Variants in CHLSN observed in about 807,000 individuals in gnomAD.
CHLSN encodes cholesin.
the CHLSN span, chr7:987,581 G>A: frequency 1.9e-5 from 27 of 1,450,754 alleles, no homozygotes; most frequent in East Asian, 3.8e-4. Flanking sequence ...GGTAGGCCTC[G>A]GCGGGGGTCC....
the CHLSN span, among the ~76,000 whole-genome samples, chr7:1,117,453 AG>A: frequency 4.5e-4 from 59 of 132,420 alleles, no homozygotes; most frequent in Non-Finnish European, 7.3e-4. Context: ...ACGCCCACGC[AG>A]GATGATGACA....
chr7:1,022,596 C>T, the CHLSN span, among the ~76,000 whole-genome samples: 1 of 152,204 alleles, frequency 6.6e-6, no homozygotes, highest in Non-Finnish European at 1.5e-5. Flanking sequence ...CGCAGAGTAG[C>T]CAGGACCACA....
At chr7:1,043,026 C>T in the CHLSN span, among the ~76,000 whole-genome samples, 4 of 150,640 alleles carry the variant, frequency 2.7e-5, no homozygotes, top group African/African-American at 4.9e-5. Flanking sequence ...CCCAGGCAGG[C>T]GGATCACTTG....
the CHLSN span, among the ~76,000 whole-genome samples, chr7:1,078,581 A>C: frequency 2.0e-4 from 28 of 138,554 alleles, no homozygotes; most frequent in Non-Finnish European, 3.3e-4. Flanking sequence ...AACGCCCCCC[A>C]CGCCGGTTCA....
the CHLSN span, among the ~76,000 whole-genome samples, chr7:1,054,518 C>T: frequency 1.1e-4 from 16 of 152,210 alleles, no homozygotes; most frequent in South Asian, 4.1e-4. Flanking sequence ...CGCACGTGAG[C>T]GCAGGGAGGA....
the CHLSN span, chr7:988,192 T>G: frequency 6.9e-7 from 1 of 1,440,596 alleles, no homozygotes; most frequent in Non-Finnish European, 9.3e-7. Flanking sequence ...TGGCAGGAGC[T>G]ACATCCTGGA....
chr7:1,020,875 G>A, the CHLSN span, among the ~76,000 whole-genome samples: 5 of 152,232 alleles, frequency 3.3e-5, no homozygotes, highest in African/African-American at 4.8e-5. Flanking sequence ...CAATCAGGCC[G>A]TTTGTAACGT....
chr7:986,741 G>T, the CHLSN span: 1 of 1,608,598 alleles, frequency 6.2e-7, no homozygotes, highest in African/African-American at 1.3e-5. Context: ...GAGGCCCCAC[G>T]TGTGCCCGGG....
chr7:1,114,261 C>T, the CHLSN span, among the ~76,000 whole-genome samples: 15 of 152,220 alleles, frequency 9.9e-5, no homozygotes, highest in Non-Finnish European at 1.6e-4. Context: ...TGGTAGGAGA[C>T]GCAGAACTGG....
the CHLSN span, chr7:1,021,372 T>C: frequency 1.0e-6 from 1 of 985,032 alleles, no homozygotes; most frequent in South Asian, 4.7e-5. Context: ...TTGACAGAGA[T>C]GATATTGCGG....
the CHLSN span, among the ~76,000 whole-genome samples, chr7:1,116,579 A>G: frequency 3.2e-4 from 20 of 61,940 alleles, no homozygotes; most frequent in South Asian, 6.2e-4. Context: ...TGACATCACT[A>G]CAGTTCTACG....
chr7:1,033,013 G>C, the CHLSN span, among the ~76,000 whole-genome samples: 2 of 152,176 alleles, frequency 1.3e-5, no homozygotes, highest in Non-Finnish European at 2.9e-5. Context: ...CCCAGGCCAC[G>C]GACAGTCTCG....
chr7:1,119,990 G>A, the CHLSN span, among the ~76,000 whole-genome samples: 13 of 151,768 alleles, frequency 8.6e-5, no homozygotes, highest in African/African-American at 3.1e-4. Flanking sequence ...ATTTAAATTG[G>A]TTCTAAAAAA....
At chr7:1,065,102 T>C in the CHLSN span, among the ~76,000 whole-genome samples, 205 of 152,266 alleles carry the variant, frequency 1.3e-3, no homozygotes, top group African/African-American at 4.7e-3. Context: ...GGAGGAAACA[T>C]GGCCCCATCC....
the CHLSN span, among the ~76,000 whole-genome samples, chr7:1,131,790 A>G: frequency 6.6e-6 from 1 of 152,342 alleles, no homozygotes; most frequent in South Asian, 2.1e-4. Flanking sequence ...CTTAATCACT[A>G]TGTCTATTTG....
At chr7:1,040,491 T>C in the CHLSN span, among the ~76,000 whole-genome samples, 2 of 151,940 alleles carry the variant, frequency 1.3e-5, no homozygotes, top group East Asian at 3.9e-4. Flanking sequence ...TGAGACCCTG[T>C]CTCAAAAACA....
the CHLSN span, among the ~76,000 whole-genome samples, chr7:1,111,789 G>A: frequency 1.3e-5 from 2 of 151,622 alleles, no homozygotes; most frequent in African/African-American, 4.9e-5. Flanking sequence ...GTGACAGAGG[G>A]AGACCCTCTC....
chr7:984,404 C>T, the CHLSN span: 1 of 1,546,382 alleles, frequency 6.5e-7, no homozygotes, highest in Admixed American at 2.0e-5. Context: ...CCCCGCCATC[C>T]CTGCCAGCTC....
At chr7:1,081,608 C>T in the CHLSN span, among the ~76,000 whole-genome samples, 9 of 152,356 alleles carry the variant, frequency 5.9e-5, no homozygotes, top group East Asian at 1.3e-3. Context: ...GTTTGGTAGC[C>T]AGGTACCAGG....
Sources: allele counts gnomAD v4.1 joint callset (sites outside exome capture counted in the v4.1 genomes callset), GRCh38; gene constraint gnomAD v4.1.1; transcripts MANE v1.5; gene names NCBI Gene and HGNC (gene_info 2026-07-23, HGNC 2026-07-21).